ITPR2: variants seen among roughly 807,000 people sequenced by gnomAD.
ITPR2 encodes the protein inositol 1,4,5-trisphosphate-gated calcium channel ITPR2.
In ITPR2, 207 loss-of-function variants were observed where a neutral mutation model predicts 317.1. The ratio of observed to expected loss-of-function variants is 0.65; its 90% CI spans 0.58 to 0.73. The LOEUF is 0.73. Ranked by LOEUF, ITPR2 falls within the 30% of genes least tolerant of loss-of-function variation. The pLI is 0.00. For synonymous variants in ITPR2, 1,156 were observed against 1,149.1 expected, an observed-to-expected ratio of 1.01 and a Z score of -0.12; for missense variants, 2,613 against 3,284.0, an observed-to-expected ratio of 0.80 and a Z score of 4.99.
At chr12:26,422,231 TATATATGAAA>T (rs1302220218) in intron 49 of ITPR2, among the ~76,000 whole-genome samples, 1 of 150,508 alleles carries the variant, frequency 6.6e-6, no homozygotes, top group Non-Finnish European at 1.5e-5. Flanking sequence ...AACTATGAAG[TATATATGAAA>T]ATACTACTTA....
intron 16 of ITPR2, among the ~76,000 whole-genome samples, chr12:26,658,551 G>A (rs1947425059): frequency 6.6e-6 from 1 of 152,174 alleles, no homozygotes; most frequent in Admixed American, 6.5e-5. Flanking sequence ...CAAGTCAGAG[G>A]CCCATTTCTA....
At chr12:26,517,729 T>G (rs1318395608) in intron 37 of ITPR2, among the ~76,000 whole-genome samples, 1 of 152,076 alleles carries the variant, frequency 6.6e-6, no homozygotes, top group Non-Finnish European at 1.5e-5. Context: ...TCCCAGCTAC[T>G]CGGGAGGTTG....
At chr12:26,484,050 C>A in intron 41 of ITPR2, 152 bp from the exon 42 acceptor site, 1 of 646,336 alleles carries the variant, frequency 1.5e-6, no homozygotes, top group South Asian at 2.0e-5. Flanking sequence ...GAGGGAGAAA[C>A]GCCCTTAGGT....
At chr12:26,744,287 G>C (rs1949283590) in intron 2 of ITPR2, among the ~76,000 whole-genome samples, 1 of 152,186 alleles carries the variant, frequency 6.6e-6, no homozygotes, top group Non-Finnish European at 1.5e-5. Context: ...CCACTCACTG[G>C]CTCCACCCCA....
intron 55 of ITPR2, among the ~76,000 whole-genome samples, chr12:26,376,735 T>C (rs1199587762): frequency 6.6e-6 from 1 of 151,966 alleles, no homozygotes; most frequent in South Asian, 2.1e-4. Flanking sequence ...TTCTTTCTCT[T>C]TCTCTCTCTT....
chr12:26,664,816 A>C (rs1201583291), intron 14 of ITPR2, among the ~76,000 whole-genome samples: 1 of 152,142 alleles, frequency 6.6e-6, no homozygotes, highest in Non-Finnish European at 1.5e-5. Flanking sequence ...ACTCGAAAAA[A>C]GTCCTATTAG....
chr12:26,470,153 C>A (rs1199881515), intron 45 of ITPR2, among the ~76,000 whole-genome samples: 1 of 152,194 alleles, frequency 6.6e-6, no homozygotes, highest in Non-Finnish European at 1.5e-5. Flanking sequence ...GTGACCCATG[C>A]TCTACAGCAC....
intron 39 of ITPR2, among the ~76,000 whole-genome samples, chr12:26,487,699 C>G (rs2136853404): frequency 6.6e-6 from 1 of 152,280 alleles, no homozygotes; most frequent in Non-Finnish European, 1.5e-5. Context: ...AGTTTGTAAT[C>G]TAAAGTGGAA....
chr12:26,573,788 G>A (rs549375455), intron 34 of ITPR2, among the ~76,000 whole-genome samples: 1 of 152,316 alleles, frequency 6.6e-6, no homozygotes, highest in South Asian at 2.1e-4. Context: ...AGTTGGAGGA[G>A]ATGGAGGGTG....
At chr12:26,426,699 T>TA (rs1456791099) in intron 49 of ITPR2, among the ~76,000 whole-genome samples, 2 of 152,232 alleles carry the variant, frequency 1.3e-5, no homozygotes, top group South Asian at 2.1e-4. Flanking sequence ...ACATCATGTC[T>TA]AATTTTCGAA....
intron 2 of ITPR2, among the ~76,000 whole-genome samples, chr12:26,749,416 G>A (rs1324100207): frequency 1.3e-5 from 2 of 152,092 alleles, no homozygotes. Flanking sequence ...GTAATCATAA[G>A]GTTTCAATCA....
chr12:26,691,915 A>G (rs1255977432), intron 10 of ITPR2, among the ~76,000 whole-genome samples: 1 of 152,020 alleles, frequency 6.6e-6, no homozygotes, highest in Non-Finnish European at 1.5e-5. Flanking sequence ...CGCACACAAC[A>G]CTGCCATTTA....
Position 26,340,217 on chromosome 12 carries a change from T to A in ITPR2, c.7969A>T (p.Met2657Leu). ...CCCGACAGCTGTTTGACCAGACTCATGGTCGATTCCAACTTCTCCTGAAGG... is the reference window on the plus strand; with the variant it reads ...CCCGACAGCTGTTTGACCAGACTCAAGGTCGATTCCAACTTCTCCTGAAGG... The part of the protein sequence containing the change: ...RSLQEKLEST[M>L]SLVKQLSGQL... Residue 2657 changes from methionine (M) to leucine (L), a missense_variant, in exon 56 of 57, where the codon ATG becomes TTG. Met to Leu is a conservative substitution (Grantham distance 15). Around this residue, in one of 9 missense-constraint regions of ITPR2, gnomAD observed 119 missense variants for 144.3 expected, o/e 0.82. Transcript: ENST00000381340. 1 of 1,610,680 alleles carries A rather than the reference T, an allele frequency of 6.2e-7. No homozygotes were observed. The highest frequency in any genetic ancestry group is 8.5e-7 in the Non-Finnish European group (1 of 1,178,564).
At chr12:26,640,268 T>G (rs963140357) in intron 21 of ITPR2, among the ~76,000 whole-genome samples, 1 of 152,088 alleles carries the variant, frequency 6.6e-6, no homozygotes, top group African/African-American at 2.4e-5. Flanking sequence ...TTAACTCAGT[T>G]AGGCAATGTG....
At chr12:26,784,363 C>CTCCACGGTCTCCCTCCACGGTCTCCT in intron 2 of ITPR2, among the ~76,000 whole-genome samples, 1 of 66,772 alleles carries the variant, frequency 1.5e-5, no homozygotes, top group Non-Finnish European at 3.8e-5. Context: ...CTCCCTCTCC[C>CTCCACGGTCTCCCTCCACGGTCTCCT]TCCACGGTCT....
intron 22 of ITPR2, among the ~76,000 whole-genome samples, chr12:26,629,180 C>G (rs1321373642): frequency 6.6e-6 from 1 of 152,154 alleles, no homozygotes; most frequent in Non-Finnish European, 1.5e-5. Flanking sequence ...CTCATCCTCT[C>G]TCCGGTTCTA....
At chr12:26,799,328 G>A (rs1209898599) in intron 1 of ITPR2, among the ~76,000 whole-genome samples, 2 of 152,184 alleles carry the variant, frequency 1.3e-5, no homozygotes, top group Non-Finnish European at 2.9e-5. Context: ...TTTGATGAAT[G>A]CTATCACCCT....
intron 21 of ITPR2, among the ~76,000 whole-genome samples, chr12:26,653,710 T>A (rs1219883191): frequency 6.6e-6 from 1 of 152,202 alleles, no homozygotes; most frequent in Admixed American, 6.5e-5. Flanking sequence ...TAACACAGAA[T>A]ATTTTCACAA....
intron 26 of ITPR2, among the ~76,000 whole-genome samples, chr12:26,608,402 G>A (rs975231703): frequency 1.3e-5 from 2 of 152,012 alleles, no homozygotes; most frequent in Non-Finnish European, 2.9e-5. Flanking sequence ...GCCTCTCCCC[G>A]GGCCCCCCAC....
Sources: allele counts gnomAD v4.1 joint callset (sites outside exome capture counted in the v4.1 genomes callset), GRCh38; gene constraint gnomAD v4.1.1; regional missense constraint gnomAD v4.1.1; transcripts MANE v1.5; gene names NCBI Gene and HGNC (gene_info 2026-07-23, HGNC 2026-07-21).